Variants in CUL1 observed in about 807,000 individuals in gnomAD.
CUL1 encodes cullin 1, also known as cullin-1.
In CUL1, 24 loss-of-function variants were observed where a neutral mutation model predicts 118.0. The ratio of observed to expected loss-of-function variants is 0.20; its 90% CI spans 0.15 to 0.29. The LOEUF is 0.29. CUL1 is among the 10% of genes least tolerant of loss of function. CUL1 has a pLI of 1.00. For missense variants in CUL1, 361 were observed against 933.8 expected (o/e 0.39, Z 7.99); for synonymous variants, 332 against 340.4 (o/e 0.98, Z 0.27).
At chr7:148,721,805 G>T (rs1170633564) in intron 1 of CUL1, among the ~76,000 whole-genome samples, 1 of 151,896 alleles carries the variant, frequency 6.6e-6, no homozygotes, top group African/African-American at 2.4e-5. Flanking sequence ...GTGGTCTGTT[G>T]TGTGACTGTC....
intron 1 of CUL1, among the ~76,000 whole-genome samples, chr7:148,711,094 T>G (rs980215832): frequency 1.7e-4 from 26 of 152,188 alleles, no homozygotes; most frequent in East Asian, 1.9e-4. Flanking sequence ...GTTACAGATT[T>G]TTGTGAGCTC....
chr7:148,767,026 T>C (rs1800028939), intron 8 of CUL1, among the ~76,000 whole-genome samples: 1 of 152,198 alleles, frequency 6.6e-6, no homozygotes, highest in Non-Finnish European at 1.5e-5. Flanking sequence ...GAGACTGTCA[T>C]CTTATATTTC....
intron 15 of CUL1, 136 bp from the exon 16 acceptor site, chr7:148,790,174 A>G (rs1246652170): frequency 1.6e-5 from 15 of 924,482 alleles, no homozygotes; most frequent in Middle Eastern, 3.2e-4. Context: ...AGAGGCAGAC[A>G]CCTGGCGTTT....
chr7:148,731,037 A>AT (rs1305523262), intron 2 of CUL1, among the ~76,000 whole-genome samples: 1 of 152,094 alleles, frequency 6.6e-6, no homozygotes, highest in Non-Finnish European at 1.5e-5. Context: ...CTGTGGCCCT[A>AT]TTTTTTAAAG....
chr7:148,769,396 TTCACACACACACACACACAC>T (rs1470512938), intron 9 of CUL1, among the ~76,000 whole-genome samples: 4 of 77,308 alleles, frequency 5.2e-5, no homozygotes, highest in African/African-American at 2.4e-4. Flanking sequence ...AAGGGCCTGA[TTCACACACACACACACACAC>T]ACACACACAC....
At chr7:148,782,969 T>G (rs912317237) in intron 9 of CUL1, among the ~76,000 whole-genome samples, 2 of 152,142 alleles carry the variant, frequency 1.3e-5, no homozygotes. Context: ...GGCAGTGTGC[T>G]TAGCTGTGAC....
At chr7:148,712,033 A>G (rs1798070006) in intron 1 of CUL1, among the ~76,000 whole-genome samples, 1 of 152,178 alleles carries the variant, frequency 6.6e-6, no homozygotes, top group Non-Finnish European at 1.5e-5. Context: ...TCCCTGGGGC[A>G]CCACTTCCAC....
At chr7:148,761,054 T>A (rs559824798) in intron 7 of CUL1, among the ~76,000 whole-genome samples, 1 of 152,294 alleles carries the variant, frequency 6.6e-6, no homozygotes, top group African/African-American at 2.4e-5. Flanking sequence ...GGTCTCGCTA[T>A]TTTTGTAGAG....
At chr7:148,754,692 A>G (rs1799600818) in intron 3 of CUL1, among the ~76,000 whole-genome samples, 2 of 151,944 alleles carry the variant, frequency 1.3e-5, no homozygotes, top group African/African-American at 4.8e-5. Context: ...CTTGGAAACC[A>G]TGTTTTTCAA....
intron 1 of CUL1, among the ~76,000 whole-genome samples, chr7:148,727,214 G>A (rs1362301373): frequency 6.6e-6 from 1 of 152,148 alleles, no homozygotes. Context: ...GTTGGGGTAT[G>A]TATACATTTG....
intron 17 of CUL1, among the ~76,000 whole-genome samples, 159 bp downstream of exon 17, chr7:148,792,977 G>T (rs189256783): frequency 6.6e-6 from 1 of 152,100 alleles, no homozygotes; most frequent in Non-Finnish European, 1.5e-5. Context: ...ATTTTAATAC[G>T]CACTACAAAA....
intron 15 of CUL1, among the ~76,000 whole-genome samples, 177 bp from the exon 16 acceptor site, chr7:148,790,133 G>A (rs902641894): frequency 6.6e-6 from 1 of 152,202 alleles, no homozygotes; most frequent in African/African-American, 2.4e-5. Context: ...TTTTAAGATT[G>A]TACCTTCCAG....
At chr7:148,780,729 A>G (rs1205727306) in intron 9 of CUL1, among the ~76,000 whole-genome samples, 1 of 152,242 alleles carries the variant, frequency 6.6e-6, no homozygotes, top group African/African-American at 2.4e-5. Context: ...AAGCCCTGGG[A>G]GATGTCCTGT....
chr7:148,718,065 A>G (rs144620182), intron 1 of CUL1, among the ~76,000 whole-genome samples: 15 of 152,310 alleles, frequency 9.8e-5, no homozygotes, highest in Admixed American at 2.6e-4. Flanking sequence ...AATACTCAGT[A>G]ATACTGCTTT....
rs1194144979 is a variant in CUL1, at chr7:148,787,258, C to T, written c.1479+138C>T. ...CGGGCAGATCACGAGGTCAGGAGAT[C>T]GAGACCATCCTGGCTAATATGGAGA... On this transcript the variant is annotated intron_variant, in intron 13 of 21. Coordinates refer to ENST00000325222, the MANE Select transcript of CUL1 (RefSeq NM_003592.3). The surrounding 1 kb of genome is among the most constrained non-coding windows in gnomAD (Gnocchi z 5.5). 10 of 728,812 alleles carry T rather than the reference C, an allele frequency of 1.4e-5. No homozygotes were observed. The highest frequency in any genetic ancestry group is 2.0e-5 in the Non-Finnish European group (9 of 458,022). 45.1% of individuals were successfully genotyped at this position (728,812 alleles called of 1,614,324 possible).
intron 1 of CUL1, among the ~76,000 whole-genome samples, chr7:148,712,786 A>T (rs1309477088): frequency 6.6e-6 from 1 of 152,226 alleles, no homozygotes; most frequent in African/African-American, 2.4e-5. Context: ...CCAAGCTCAC[A>T]CTGCCAGTGA....
Position 148,731,730 on chromosome 7 carries a change from T to A in CUL1, c.140+1468T>A, listed in dbSNP as rs573172061. Among the ~76,000 whole-genome samples the A allele has an allele frequency of 2.0e-5, 3 of 152,324 alleles. No homozygotes were observed. In the East Asian group the frequency reaches 5.8e-4, roughly 29 times the overall value. On this transcript the variant is annotated intron_variant, in intron 2 of 21. Coordinates refer to ENST00000325222, the MANE Select transcript of CUL1 (RefSeq NM_003592.3). ...GGCCCTGGCAACTACTCATTTACTTTGTCTCTATGAATTTGCCCATTCTGT... is the reference window on the plus strand; with the variant it reads ...GGCCCTGGCAACTACTCATTTACTTAGTCTCTATGAATTTGCCCATTCTGT...
chr7:148,705,916 A>G (rs1173371269), intron 1 of CUL1, among the ~76,000 whole-genome samples: 2 of 152,196 alleles, frequency 1.3e-5, no homozygotes, highest in Non-Finnish European at 2.9e-5. Context: ...TTTATCTTAC[A>G]TGCAATAATA....
chr7:148,783,648 C>T lies in CUL1; in HGVS notation c.1084-135C>T, dbSNP rs1425096698. The stretch of plus-strand genomic sequence containing the variant: ...ACGATGGTACCAAAAGTATTTCTTG[C>T]TCTTATCTCTTAACTTTGAAAAGGT... On this transcript the variant is annotated intron_variant, in intron 9 of 21. Coordinates refer to ENST00000325222, the MANE Select transcript of CUL1 (RefSeq NM_003592.3). The T allele has an allele frequency of 3.2e-6, 5 of 1,545,602 alleles. No individual in the cohort carries two copies. In the African/African-American group the frequency reaches 5.5e-5, roughly 17 times the overall value.
Sources: allele counts gnomAD v4.1 joint callset (sites outside exome capture counted in the v4.1 genomes callset), GRCh38; gene constraint gnomAD v4.1.1; non-coding constraint Gnocchi (gnomAD v3.1); transcripts MANE v1.5; gene names NCBI Gene and HGNC (gene_info 2026-07-23, HGNC 2026-07-21).